The following TMEM260 variants were observed in gnomAD, a reference collection of about 807,000 sequenced individuals.
The protein encoded by TMEM260 is protein O-mannosyl-transferase TMEM260.
A neutral mutation model predicts 88.9 loss-of-function variants in TMEM260; 82 were observed. The observed-to-expected ratio is 0.92, with a 90% CI of 0.77 to 1.11. TMEM260 has a LOEUF of 1.11. Among genes scored for constraint, TMEM260 ranks in the 50% least tolerant of loss-of-function variants. The pLI is 0.00. For missense variants in TMEM260, 902 were observed against 853.4 expected (o/e 1.06, Z -0.71); for synonymous variants, 314 against 309.3 (o/e 1.02, Z -0.16).
chr14:56,615,764 G>A (rs1887555030), intron 7 of TMEM260, 180 bp from the exon 8 acceptor site: 3 of 539,266 alleles, frequency 5.6e-6, no homozygotes. Flanking sequence ...AAACGTCTTG[G>A]AACTATTTAA....
At position 56,625,437 on chromosome 14, in the gene TMEM260, A is replaced by G. The variant is rs749155267; in HGVS notation, c.1454A>G (p.Asn485Ser). The G allele has an allele frequency of 6.8e-6, 11 of 1,614,002 alleles. No individual in the cohort carries two copies. Among genetic ancestry groups the G allele is most frequent in the Non-Finnish European group, 9.3e-6 (11 of 1,179,954 alleles). Reference sequence around the variant, plus strand: ...ATGGCAAAGCACTTGCCAGGTGTCAACTTTCCTGGGAACCGGTGGAATCCT... The same window carrying G: ...ATGGCAAAGCACTTGCCAGGTGTCAGCTTTCCTGGGAACCGGTGGAATCCT... ...PKMAKHLPGV[N>S]FPGNRWNPVE... is the part of the protein sequence containing the mutation. The change falls in exon 12 of 16, where the codon AAC (asparagine) becomes AGC (serine). Residue 485 changes from asparagine to serine, a missense_variant. Asn to Ser is a conservative substitution (Grantham distance 46, BLOSUM62 1). Transcript: ENST00000261556.
At position 56,579,798 on chromosome 14, in the gene TMEM260, G is replaced by A; in HGVS notation, c.-117G>A. Reference sequence around the variant, plus strand: ...GGTGCGGTCCAACCCGCGGAGGCTCGACCCGGAAGCCGCCGTGGCCGCCGC... The same window carrying A: ...GGTGCGGTCCAACCCGCGGAGGCTCAACCCGGAAGCCGCCGTGGCCGCCGC... On this transcript the variant is annotated 5_prime_UTR_variant, in exon 1 of 16. Coordinates refer to ENST00000261556, the MANE Select transcript of TMEM260 (RefSeq NM_017799.4). The A allele has an allele frequency of 9.5e-7, 1 of 1,053,750 alleles. No individual in the cohort carries two copies. The highest frequency in any genetic ancestry group is 1.6e-5 in the African/African-American group (1 of 60,868). The allele number at this position is 1,053,750 out of a possible 1,614,324, so 65.3% of individuals were successfully genotyped here. A position where few individuals can be genotyped will look rare whatever the true frequency, so the allele number is the denominator to read the frequency against.
At chr14:56,605,777 C>T in intron 5 of TMEM260, 94 bp downstream of exon 5, 2 of 743,810 alleles carry the variant, frequency 2.7e-6, no homozygotes, top group South Asian at 3.8e-5. Context: ...TTTAATTTTT[C>T]TTGGGTTTCA....
In TMEM260 at chr14:56,592,322, T is replaced by C. The variant is rs548318038; in HGVS notation, c.344+6410T>C. Among the ~76,000 whole-genome samples, 13 of 152,306 alleles carry C rather than the reference T, an allele frequency of 8.5e-5. 1 individual carries two copies. In the South Asian group the frequency reaches 2.3e-3, roughly 27 times the overall value. ...ACCTTTTATATCATGTCCTAAATTATTGATTTATGTTCTTAGGTCTAAACT... is the reference window on the plus strand; with the variant it reads ...ACCTTTTATATCATGTCCTAAATTACTGATTTATGTTCTTAGGTCTAAACT... On this transcript the variant is annotated intron_variant, in intron 3 of 15. Transcript: ENST00000261556.
chr14:56,585,348 A>T (rs1442045348), intron 2 of TMEM260, among the ~76,000 whole-genome samples: 1 of 152,080 alleles, frequency 6.6e-6, no homozygotes, highest in Non-Finnish European at 1.5e-5. Context: ...ATGGTGCATG[A>T]TCCCTTCAGG....
At chr14:56,587,889 G>A (rs1340667974) in intron 3 of TMEM260, among the ~76,000 whole-genome samples, 1 of 152,008 alleles carries the variant, frequency 6.6e-6, no homozygotes, top group Admixed American at 6.6e-5. Flanking sequence ...TGATTGAGTG[G>A]AAGAAGACAT....
intron 3 of TMEM260, among the ~76,000 whole-genome samples, chr14:56,593,711 T>G (rs35453770): frequency 0.34 from 40,180 of 118,898 alleles, 8,357 homozygotes; most frequent in East Asian, 0.61. Flanking sequence ...TTTTTGAGAC[T>G]GAGTCTCGGT....
rs901409715 is a variant in TMEM260, at chr14:56,585,736, C to T, written c.193-25C>T. ...TCTTCCTTTCCTAGATGAAAACCTT[C>T]TAACTGTTGCTAATTTTTCCGTAGG... On this transcript the variant is annotated intron_variant, in intron 2 of 15. Transcript: ENST00000261556. 4.4e-6 allele frequency: 7 copies of T among 1,608,710 alleles called. No individual in the cohort carries two copies. In the Admixed American group the frequency reaches 6.8e-5, roughly 16 times the overall value.
chr14:56,601,117 G>A (rs1298823708), intron 3 of TMEM260, among the ~76,000 whole-genome samples: 2 of 152,074 alleles, frequency 1.3e-5, no homozygotes, highest in Non-Finnish European at 2.9e-5. Context: ...TGTTATCATC[G>A]AAGTCAAAAA....
chr14:56,609,769 A>G (rs936786889), intron 6 of TMEM260, among the ~76,000 whole-genome samples: 2 of 152,190 alleles, frequency 1.3e-5, no homozygotes, highest in African/African-American at 4.8e-5. Context: ...TAAATGCCTC[A>G]TGAGTTCACT....
At chr14:56,625,843 T>C (rs960044257) in intron 12 of TMEM260, among the ~76,000 whole-genome samples, 1 of 152,204 alleles carries the variant, frequency 6.6e-6, no homozygotes, top group Non-Finnish European at 1.5e-5. Flanking sequence ...CAAGCAATTA[T>C]AGTTCCCCTG....
At chr14:56,598,486 C>T (rs1355130475) in intron 3 of TMEM260, among the ~76,000 whole-genome samples, 1 of 152,142 alleles carries the variant, frequency 6.6e-6, no homozygotes, top group African/African-American at 2.4e-5. Flanking sequence ...GAGCCTAGCC[C>T]TCACCCTGAA....
chr14:56,657,986 C>T, the TMEM260 span, among the ~76,000 whole-genome samples: 1 of 152,188 alleles, frequency 6.6e-6, no homozygotes, highest in Non-Finnish European at 1.5e-5. Context: ...AATATTCCCA[C>T]CTCTCCCACT....
chr14:56,596,429 T>TAC (rs754452722), intron 3 of TMEM260, among the ~76,000 whole-genome samples: 2 of 139,456 alleles, frequency 1.4e-5, no homozygotes, highest in South Asian at 2.2e-4. Context: ...TATATATACA[T>TAC]ACACACACAT....
intron 13 of TMEM260, 140 bp downstream of exon 13, chr14:56,633,311 T>C (rs1392011340): frequency 1.6e-6 from 1 of 621,734 alleles, no homozygotes; most frequent in Non-Finnish European, 2.7e-6. Flanking sequence ...CAAAATACCA[T>C]AAAACAACAG....
chr14:56,623,243 T>G (rs1012218980), intron 11 of TMEM260, among the ~76,000 whole-genome samples: 1 of 152,208 alleles, frequency 6.6e-6, no homozygotes, highest in African/African-American at 2.4e-5. Flanking sequence ...AGATAGGTGA[T>G]GTTAGGATTG....
intron 15 of TMEM260, among the ~76,000 whole-genome samples, chr14:56,643,649 G>A (rs2139653952): frequency 6.6e-6 from 1 of 152,294 alleles, no homozygotes; most frequent in African/African-American, 2.4e-5. Flanking sequence ...AGTGTTGGAA[G>A]TTCTGGCCAG....
At chr14:56,660,520 G>A in the TMEM260 span, among the ~76,000 whole-genome samples, 28 of 152,306 alleles carry the variant, frequency 1.8e-4, 1 homozygote, top group Admixed American at 7.8e-4. Flanking sequence ...TTTCTTATTG[G>A]ATTGTATTAA....
At chr14:56,603,060 T>G (rs1886673193) in intron 3 of TMEM260, among the ~76,000 whole-genome samples, 1 of 152,184 alleles carries the variant, frequency 6.6e-6, no homozygotes, top group Non-Finnish European at 1.5e-5. Context: ...TCATCCACAC[T>G]ACCAGTCTCA....
Sources: gnomAD v4.1 joint callset for allele counts (sites outside exome capture counted in the v4.1 genomes callset) on GRCh38, gnomAD v4.1.1 for gene constraint, MANE v1.5 for transcripts, NCBI Gene and HGNC (gene_info 2026-07-23, HGNC 2026-07-21) for gene names.